Variants in COL12A1 observed in about 807,000 individuals in gnomAD.
COL12A1 encodes the protein collagen type XII alpha 1 chain.
In COL12A1, 114 loss-of-function variants were observed where a neutral mutation model predicts 349.7. That is an observed-to-expected ratio of 0.33 (90% CI 0.28 to 0.38). The LOEUF (loss-of-function observed/expected upper bound fraction) is 0.38, where lower values mean the gene tolerates loss of function less well. Ranked by LOEUF, COL12A1 falls within the 10% of genes least tolerant of loss-of-function variation. The pLI, the probability that COL12A1 is intolerant of heterozygous loss-of-function variation, is 1.00. For missense variants in COL12A1, 3,284 were observed against 3,756.9 expected, an observed-to-expected ratio of 0.87 and a Z score of 3.29; for synonymous variants, 1,369 against 1,329.0, an observed-to-expected ratio of 1.03 and a Z score of -0.66.
intron 2 of COL12A1, among the ~76,000 whole-genome samples, chr6:75,197,400 C>A (rs1770286590): frequency 6.6e-6 from 1 of 151,486 alleles, no homozygotes; most frequent in Non-Finnish European, 1.5e-5. Context: ...GCAACCTCAG[C>A]CTCCTAGGTT....
intron 42 of COL12A1, 30 bp from the exon 43 acceptor site, chr6:75,123,434 C>T: frequency 1.3e-6 from 2 of 1,497,136 alleles, no homozygotes; most frequent in Non-Finnish European, 1.8e-6. Context: ...ATTATAAAAA[C>T]ACACCATGTG....
rs895079123 is a variant in COL12A1 at position 75,117,425 on chromosome 6, G to A, written c.7476C>T (p.Ile2492=). The A allele has an allele frequency of 9.3e-6, 15 of 1,613,534 alleles. No individual in the cohort carries two copies. The highest frequency in any genetic ancestry group is 3.3e-5 in the South Asian group (3 of 91,050). Residue 2492 remains isoleucine, a synonymous_variant, in exon 47 of 66, where the codon ATC becomes ATT. Transcript: ENST00000322507. ...IVDDFESFEK[I]EDNLITFVCE... is the part of the protein sequence containing the mutation. ...AAACAAATGTAATAAGATTGTCTTC[G>A]ATCTTCTCAAAAGATTCAAAGTCGT...
chr6:75,167,265 A>G (rs924753393), intron 13 of COL12A1, among the ~76,000 whole-genome samples: 1 of 152,102 alleles, frequency 6.6e-6, no homozygotes, highest in Non-Finnish European at 1.5e-5. Flanking sequence ...GATAATCGAT[A>G]TCCCAACAAC....
chr6:75,182,148 A>T (rs748139880), intron 10 of COL12A1, among the ~76,000 whole-genome samples: 1 of 152,028 alleles, frequency 6.6e-6, no homozygotes, highest in Non-Finnish European at 1.5e-5. Context: ...CAACTGAGTG[A>T]AAGTGATAGC....
intron 2 of COL12A1, among the ~76,000 whole-genome samples, chr6:75,202,196 A>G (rs890926197): frequency 6.6e-6 from 1 of 152,116 alleles, no homozygotes; most frequent in African/African-American, 2.4e-5. Flanking sequence ...ATCTGCCCGC[A>G]CCGTCCGCCC....
At chr6:75,157,851 C>G (rs1218937165) in intron 14 of COL12A1, among the ~76,000 whole-genome samples, 3 of 152,010 alleles carry the variant, frequency 2.0e-5, no homozygotes, top group Non-Finnish European at 4.4e-5. Flanking sequence ...GAAATGTTCC[C>G]CCTACCCAGA....
rs1436778165 is a variant in COL12A1 at position 75,152,398 on chromosome 6, G to A, written c.3650C>T (p.Thr1217Ile). 1 of 1,613,604 alleles carries A rather than the reference G, an allele frequency of 6.2e-7. No homozygotes were observed. Among genetic ancestry groups the A allele is most frequent in the Non-Finnish European group, 8.5e-7 (1 of 1,179,724 alleles). The stretch of plus-strand genomic sequence containing the variant: ...AATACGAGAAATGAAACTCCTCACG[G>A]TTCTAAAATTTGCCCGGCCGATGCT... ...SWSIGRANFR[T>I]VRSFISRIVE... Residue 1217 changes from threonine (T) to isoleucine (I), a missense_variant, in exon 18 of 66, where the codon ACC becomes ATC. Coordinates refer to ENST00000322507, the MANE Select transcript of COL12A1 (RefSeq NM_004370.6).
rs189371291 is a variant in COL12A1, at chr6:75,185,125, C to A, written c.998-981G>T. 1.1e-4 allele frequency among the ~76,000 whole-genome samples: 17 copies of A among 152,246 alleles called. No individual in the cohort carries two copies. The East Asian group carries it at 3.1e-3, about 28-fold the overall frequency. On this transcript the variant is annotated intron_variant, in intron 8 of 65. Coordinates refer to ENST00000322507, the MANE Select transcript of COL12A1 (RefSeq NM_004370.6). ...ATAGTATTGGAAGTTCTGGCCAGAG[C>A]AATCAAGCAAGAAAAAGGAATAAAA...
intron 14 of COL12A1, among the ~76,000 whole-genome samples, chr6:75,157,453 C>T (rs1333024428): frequency 6.6e-6 from 1 of 150,862 alleles, no homozygotes; most frequent in South Asian, 2.1e-4. Context: ...AAAAAAAAAA[C>T]CTAAGAAAAA....
intron 65 of COL12A1, 65 bp from the exon 66 acceptor site, chr6:75,086,622 A>C: frequency 7.9e-7 from 1 of 1,268,490 alleles, no homozygotes; most frequent in Non-Finnish European, 1.1e-6. Context: ...ATAAATACAC[A>C]TCCATCTACG....
chr6:75,170,506 A>G (rs1240895816), intron 13 of COL12A1, among the ~76,000 whole-genome samples: 2 of 152,358 alleles, frequency 1.3e-5, no homozygotes. Flanking sequence ...ACTTTAAGCT[A>G]TGCACAGTTC....
Position 75,113,693 on chromosome 6 carries a change from G to A in COL12A1, c.7749C>T (p.Phe2583=). ...CACTGGGAGTTTCTGGGAGAAGTCT[G>A]AATAATAATATAATCGTGTATGAAG... ...LPPSYTIILL[F]RLLPETPSDP... is the part of the protein sequence containing the mutation. The change falls in exon 50 of 66, where the codon TTC becomes TTT. Residue 2583 remains phenylalanine (F), a synonymous_variant. Transcript: ENST00000322507. 2 of 1,606,862 alleles carry A rather than the reference G, an allele frequency of 1.2e-6. No individual in the cohort carries two copies. Among genetic ancestry groups the A allele is most frequent in the Middle Eastern group, 3.3e-4 (2 of 6,028 alleles).
intron 17 of COL12A1, 88 bp downstream of exon 17, chr6:75,154,328 T>A: frequency 7.4e-7 from 1 of 1,359,402 alleles, no homozygotes; most frequent in South Asian, 1.8e-5. Flanking sequence ...TTTGTATCAT[T>A]GTTTTCCATT....
chr6:75,197,162 G>A lies in COL12A1; in HGVS notation c.74-2215C>T, dbSNP rs996986759. On this transcript the variant is annotated intron_variant, in intron 2 of 65. Coordinates refer to ENST00000322507, the MANE Select transcript of COL12A1 (RefSeq NM_004370.6). ...TAAAGCAGATGTAAGTGTATGACCC[G>A]TGTCAACATAAATCAGTGCTGAAAA... Among the ~76,000 whole-genome samples the A allele has an allele frequency of 2.0e-5, 3 of 152,000 alleles. No individual in the cohort carries two copies. In the East Asian group the frequency reaches 5.8e-4, roughly 29 times the overall value.
intron 17 of COL12A1, 129 bp downstream of exon 17, chr6:75,154,287 G>T: frequency 1.8e-6 from 2 of 1,135,340 alleles, no homozygotes; most frequent in Non-Finnish European, 2.4e-6. Context: ...TGCTAAGTAT[G>T]TAAATTATTG....
Position 75,124,026 on chromosome 6 carries a change from C to A in COL12A1, c.6793G>T (p.Asp2265Tyr), listed in dbSNP as rs1765883354. 1 of 1,614,000 alleles carries A rather than the reference C, an allele frequency of 6.2e-7. No individual in the cohort carries two copies. ...TSHCFTGLSP[D>Y]TDYGVTVFVQ... ...AAAACAGTGACACCATAATCAGTGT[C>A]TGGTGAAAGGCCAGTGAAGCAGTGA... The change falls in exon 42 of 66, where the codon GAC becomes TAC. Residue 2265 changes from aspartate (D) to tyrosine (Y), a missense_variant. Physicochemically the swap from Asp to Tyr is radical, Grantham distance 160. Around this residue, in one of 2 missense-constraint regions of COL12A1, gnomAD observed 2,601 missense variants for 2,824.8 expected, o/e 0.92. Transcript: ENST00000322507.
At chr6:75,150,104 A>G (rs544103927) in intron 21 of COL12A1, among the ~76,000 whole-genome samples, 19 of 152,270 alleles carry the variant, frequency 1.2e-4, no homozygotes, top group African/African-American at 4.6e-4. Flanking sequence ...TTTCTACCAC[A>G]TTGTTTCTTA....
chr6:75,094,245 C>T lies in COL12A1; in HGVS notation c.8649+863G>A, dbSNP rs548576187. 1.8e-4 allele frequency among the ~76,000 whole-genome samples: 27 copies of T among 152,102 alleles called. 1 individual carries two copies. The highest frequency in any genetic ancestry group is 3.8e-4 in the Non-Finnish European group (26 of 67,974). On this transcript the variant is annotated intron_variant, in intron 60 of 65. Coordinates refer to ENST00000322507, the MANE Select transcript of COL12A1 (RefSeq NM_004370.6). Reference sequence around the variant, plus strand: ...TCGGGTTTGTAAAATTTGAACAATGCTTTAAAAAGGAGAAATTCTGTCCAG... The same window carrying T: ...TCGGGTTTGTAAAATTTGAACAATGTTTTAAAAAGGAGAAATTCTGTCCAG...
At chr6:75,174,920 T>C in intron 13 of COL12A1, 118 bp downstream of exon 13, 2 of 1,156,860 alleles carry the variant, frequency 1.7e-6, no homozygotes, top group Non-Finnish European at 2.4e-6. Flanking sequence ...CAATATGGAT[T>C]CTTTTTAAGA....
Sources: allele counts gnomAD v4.1 joint callset (sites outside exome capture counted in the v4.1 genomes callset), GRCh38; gene constraint gnomAD v4.1.1; regional missense constraint gnomAD v4.1.1; transcripts MANE v1.5; gene names NCBI Gene and HGNC (gene_info 2026-07-23, HGNC 2026-07-21).